CNTNAP2: variants seen among roughly 807,000 people sequenced by gnomAD.
CNTNAP2 encodes contactin-associated protein-like 2.
Under a neutral mutation model 155.2 loss-of-function variants are expected in CNTNAP2, and 98 were observed. The observed-to-expected ratio is 0.63, with a 90% confidence interval of 0.54 to 0.75. The LOEUF (loss-of-function observed/expected upper bound fraction) is 0.75. Among genes scored for constraint, CNTNAP2 ranks in the 30% least tolerant of loss-of-function variants. The probability of loss-of-function intolerance (pLI) is 0.00; values close to 1 mark genes in which losing one functional copy is unlikely to be tolerated. For synonymous variants in CNTNAP2, 651 were observed against 631.2 expected (o/e 1.03, Z -0.47); for missense variants, 1,727 against 1,688.1 (o/e 1.02, Z -0.40).
At chr7:146,201,403 A>G (rs1798857363) in intron 1 of CNTNAP2, among the ~76,000 whole-genome samples, 1 of 152,206 alleles carries the variant, frequency 6.6e-6, no homozygotes, top group Admixed American at 6.5e-5. Flanking sequence ...ACATTAAAAT[A>G]ACATTCAGAG....
chr7:146,810,371 C>T (rs1296749983), intron 2 of CNTNAP2, among the ~76,000 whole-genome samples: 1 of 146,660 alleles, frequency 6.8e-6, no homozygotes, highest in Non-Finnish European at 1.5e-5. Flanking sequence ...TTAATCTGTA[C>T]CTTATAGTTT....
intron 21 of CNTNAP2, among the ~76,000 whole-genome samples, chr7:148,295,242 T>C (rs1408931159): frequency 6.6e-6 from 1 of 152,224 alleles, no homozygotes; most frequent in Non-Finnish European, 1.5e-5. Context: ...AAATTTATCA[T>C]TGGTCTCGTA....
chr7:147,344,438 A>G (rs1795814402), intron 9 of CNTNAP2, among the ~76,000 whole-genome samples: 1 of 152,070 alleles, frequency 6.6e-6, no homozygotes, highest in African/African-American at 2.4e-5. Flanking sequence ...AAAAATGTTT[A>G]GAAAACTCGA....
intron 3 of CNTNAP2, among the ~76,000 whole-genome samples, chr7:146,940,702 C>CACAA (rs1228514517): frequency 6.6e-6 from 1 of 151,452 alleles, no homozygotes; most frequent in Non-Finnish European, 1.5e-5. Flanking sequence ...TATATACACA[C>CACAA]ACACACACAC....
At chr7:146,862,345 G>GA (rs1294714040) in intron 3 of CNTNAP2, among the ~76,000 whole-genome samples, 3 of 151,712 alleles carry the variant, frequency 2.0e-5, no homozygotes, top group Admixed American at 1.3e-4. Context: ...CAACAAAAAC[G>GA]AAAAAAGTGT....
At chr7:147,667,795 C>CAAAAAAAAA (rs549630597) in intron 13 of CNTNAP2, among the ~76,000 whole-genome samples, 1 of 129,616 alleles carries the variant, frequency 7.7e-6, no homozygotes. Flanking sequence ...GCTGCTGCTG[C>CAAAAAAAAA]AAAAAAAAAA....
chr7:147,285,882 C>G (rs1426968991), intron 8 of CNTNAP2, among the ~76,000 whole-genome samples: 1 of 152,006 alleles, frequency 6.6e-6, no homozygotes, highest in Non-Finnish European at 1.5e-5. Flanking sequence ...TGTCAGATTC[C>G]CAGTTGGATA....
In CNTNAP2 at chr7:147,730,668, C is replaced by A. The variant is rs572810988; in HGVS notation, c.2098+91362C>A. 5.3e-5 allele frequency among the ~76,000 whole-genome samples: 8 copies of A among 152,028 alleles called. No homozygotes were observed. In the South Asian group the frequency reaches 1.7e-3, roughly 32 times the overall value. On this transcript the variant is annotated intron_variant, in intron 13 of 23. Coordinates refer to ENST00000361727, the MANE Select transcript of CNTNAP2 (RefSeq NM_014141.6). ...AGGCCAGTTAATGACAGTACAGCGGCCTCTAAGTGTTCAAGTGAAAAAAAG... is the reference window on the plus strand; with the variant it reads ...AGGCCAGTTAATGACAGTACAGCGGACTCTAAGTGTTCAAGTGAAAAAAAG...
intron 15 of CNTNAP2, among the ~76,000 whole-genome samples, chr7:147,998,111 T>C (rs1233706230): frequency 4.6e-5 from 6 of 129,932 alleles, no homozygotes; most frequent in East Asian, 5.3e-4. Context: ...TTCTTTTTTT[T>C]TTTTTTTTTT....
At chr7:148,336,089 T>C (rs979131623) in intron 21 of CNTNAP2, among the ~76,000 whole-genome samples, 1 of 152,222 alleles carries the variant, frequency 6.6e-6, no homozygotes, top group Non-Finnish European at 1.5e-5. Context: ...ATTACAGAAC[T>C]AGATTCATTT....
intron 15 of CNTNAP2, among the ~76,000 whole-genome samples, chr7:148,093,797 G>C (rs1694510158): frequency 6.6e-6 from 1 of 152,090 alleles, no homozygotes; most frequent in African/African-American, 2.4e-5. Flanking sequence ...TCTTTTGAGA[G>C]AGAGTCTCAC....
chr7:147,540,371 A>G (rs1440527190), intron 11 of CNTNAP2, among the ~76,000 whole-genome samples: 1 of 152,262 alleles, frequency 6.6e-6, no homozygotes, highest in East Asian at 1.9e-4. Flanking sequence ...TAATACCTCC[A>G]AAGAAAGTCA....
At chr7:146,117,904 C>G (rs190660762) in intron 1 of CNTNAP2, among the ~76,000 whole-genome samples, 33 of 152,174 alleles carry the variant, frequency 2.2e-4, no homozygotes, top group South Asian at 4.2e-4. Context: ...TATTCATAAG[C>G]GCATACTAGT....
intron 1 of CNTNAP2, among the ~76,000 whole-genome samples, chr7:146,525,942 G>A (rs1797686172): frequency 1.3e-5 from 2 of 152,140 alleles, no homozygotes; most frequent in Admixed American, 1.3e-4. Context: ...GAGCCACACA[G>A]TGGATTAGAA....
intron 15 of CNTNAP2, among the ~76,000 whole-genome samples, chr7:148,019,786 TGTGAGGGGAGG>T (rs1802247662): frequency 6.7e-6 from 1 of 149,130 alleles, no homozygotes; most frequent in African/African-American, 2.5e-5. Context: ...GGGGGAGGGG[TGTGAGGGGAGG>T]GTGAGGAGAA....
intron 3 of CNTNAP2, among the ~76,000 whole-genome samples, chr7:147,008,082 C>T (rs1050447974): frequency 3.3e-5 from 5 of 152,100 alleles, no homozygotes; most frequent in Admixed American, 6.6e-5. Flanking sequence ...GGTGGCCCCA[C>T]GTTTTCAATA....
chr7:147,871,105 T>C (rs895867991), intron 13 of CNTNAP2, among the ~76,000 whole-genome samples: 2 of 152,202 alleles, frequency 1.3e-5, no homozygotes, highest in African/African-American at 2.4e-5. Context: ...AGATGATCTC[T>C]ATTTGAGCAG....
intron 12 of CNTNAP2, among the ~76,000 whole-genome samples, chr7:147,567,561 G>A (rs931852645): frequency 6.6e-6 from 1 of 152,142 alleles, no homozygotes; most frequent in Non-Finnish European, 1.5e-5. Flanking sequence ...AAGTAAAAGA[G>A]GAGGAGATTG....
At chr7:147,279,646 T>C (rs1327223166) in intron 8 of CNTNAP2, among the ~76,000 whole-genome samples, 3 of 151,872 alleles carry the variant, frequency 2.0e-5, no homozygotes, top group African/African-American at 4.8e-5. Context: ...AGTTTCCTTA[T>C]GTTGCTTCAT....
Sources: allele counts gnomAD v4.1 joint callset (sites outside exome capture counted in the v4.1 genomes callset), GRCh38; gene constraint gnomAD v4.1.1; transcripts MANE v1.5; gene names NCBI Gene and HGNC (gene_info 2026-07-23, HGNC 2026-07-21).